Variants in FEZ1 observed in about 807,000 individuals in gnomAD.
The protein encoded by FEZ1 is fasciculation and elongation protein zeta-1.
A neutral mutation model predicts 49.3 loss-of-function variants in FEZ1; 20 were observed. The observed-to-expected ratio is 0.41, with a 90% CI of 0.29 to 0.59. FEZ1 has a LOEUF of 0.59. Ranked by LOEUF, FEZ1 falls within the 20% of genes least tolerant of loss-of-function variation. The pLI, the probability that FEZ1 is intolerant of heterozygous loss-of-function variation, is 0.36. For synonymous variants in FEZ1, 170 were observed against 180.9 expected (o/e 0.94, Z 0.48); for missense variants, 413 against 476.0 (o/e 0.87, Z 1.23).
intron 4 of FEZ1, among the ~76,000 whole-genome samples, chr11:125,461,132 C>T (rs1957070347): frequency 6.6e-6 from 1 of 152,136 alleles, no homozygotes; most frequent in Non-Finnish European, 1.5e-5. Context: ...CTCCAGAATT[C>T]ACCTAGACAG....
chr11:125,494,655 T>C (rs1167269699), intron 1 of FEZ1, among the ~76,000 whole-genome samples: 1 of 152,184 alleles, frequency 6.6e-6, no homozygotes, highest in Non-Finnish European at 1.5e-5. Context: ...TGTCCTACAA[T>C]CTATTCCATT....
intron 3 of FEZ1, among the ~76,000 whole-genome samples, chr11:125,472,973 T>A (rs1036314739): frequency 6.6e-6 from 1 of 152,164 alleles, no homozygotes; most frequent in South Asian, 2.1e-4. Context: ...AGCAAGATTT[T>A]TTGCAAAAAT....
intron 3 of FEZ1, among the ~76,000 whole-genome samples, chr11:125,473,593 T>A (rs1225562433): frequency 6.6e-6 from 1 of 151,744 alleles, no homozygotes; most frequent in Non-Finnish European, 1.5e-5. Context: ...CCAAGACGGG[T>A]GGATCACTTG....
At chr11:125,493,901 C>A (rs1957430792) in intron 1 of FEZ1, among the ~76,000 whole-genome samples, 1 of 152,132 alleles carries the variant, frequency 6.6e-6, no homozygotes, top group Admixed American at 6.5e-5. Context: ...GAGGCCAATC[C>A]AACCAGAATC....
In FEZ1 at chr11:125,481,549, G is replaced by T; in HGVS notation, c.396C>A (p.Asn132Lys). Reference protein sequence around the residue: ...RDPNIEALNGNCSDTEIHEKE... With the variant: ...RDPNIEALNGKCSDTEIHEKE... Reference sequence around the variant, plus strand: ...GGAGAGGTACCTCAGTGTCAGAGCAGTTGCCATTCAGAGCCTCGATGTTTG... The same window carrying T: ...GGAGAGGTACCTCAGTGTCAGAGCATTTGCCATTCAGAGCCTCGATGTTTG... Residue 132 changes from asparagine (N) to lysine (K), a missense_variant, in exon 3 of 10, where the codon AAC becomes AAA. Coordinates refer to ENST00000278919, the MANE Select transcript of FEZ1 (RefSeq NM_005103.5). 1 of 1,609,798 alleles carries T rather than the reference G, an allele frequency of 6.2e-7. No individual in the cohort carries two copies. The highest frequency in any genetic ancestry group is 1.1e-5 in the South Asian group (1 of 90,992).
At chr11:125,460,350 TA>T in intron 5 of FEZ1, 147 bp downstream of exon 5, 1 of 580,420 alleles carries the variant, frequency 1.7e-6, no homozygotes, top group Non-Finnish European at 2.9e-6. Context: ...TGATGCCGAG[TA>T]AGAAAGGTAT....
At chr11:125,460,687 AGT>A (rs752110127) in intron 4 of FEZ1, 21 bp from the exon 5 acceptor site, 1 of 1,610,028 alleles carries the variant, frequency 6.2e-7, no homozygotes, top group Non-Finnish European at 8.5e-7. Flanking sequence ...TACACGAGAG[AGT>A]GCTAACTCTG....
chr11:125,481,916 A>T (rs1957283169), intron 2 of FEZ1, among the ~76,000 whole-genome samples: 1 of 152,170 alleles, frequency 6.6e-6, no homozygotes, highest in South Asian at 2.1e-4. Flanking sequence ...CTATAATCAA[A>T]CTGCCTCTGG....
chr11:125,479,320 G>A (rs937180903), intron 3 of FEZ1, among the ~76,000 whole-genome samples: 1 of 152,198 alleles, frequency 6.6e-6, no homozygotes, highest in African/African-American at 2.4e-5. Context: ...AGGGGAATCT[G>A]TTTCTTGCTC....
At chr11:125,457,207 A>G (rs529424010) in intron 5 of FEZ1, among the ~76,000 whole-genome samples, 1 of 150,036 alleles carries the variant, frequency 6.7e-6, no homozygotes, top group African/African-American at 2.4e-5. Flanking sequence ...TAAATAAATA[A>G]ATAAATAAAT....
intron 3 of FEZ1, among the ~76,000 whole-genome samples, chr11:125,463,888 G>T (rs1020574843): frequency 5.9e-5 from 9 of 152,184 alleles, no homozygotes; most frequent in Non-Finnish European, 1.3e-4. Context: ...TCATCCTGGG[G>T]TGAACAAGGC....
chr11:125,460,926 G>T (rs1230912549), intron 4 of FEZ1, among the ~76,000 whole-genome samples: 1 of 152,168 alleles, frequency 6.6e-6, no homozygotes, highest in Non-Finnish European at 1.5e-5. Flanking sequence ...GAAATAAGCT[G>T]CTCTTTCAGG....
intron 3 of FEZ1, among the ~76,000 whole-genome samples, chr11:125,477,824 G>T (rs1346511006): frequency 1.3e-5 from 2 of 149,316 alleles, no homozygotes; most frequent in Non-Finnish European, 3.0e-5. Flanking sequence ...ATGTGGCCCC[G>T]CATGGCCCCA....
chr11:125,479,426 C>T (rs1044618443), intron 3 of FEZ1, among the ~76,000 whole-genome samples: 10 of 152,136 alleles, frequency 6.6e-5, no homozygotes, highest in South Asian at 2.1e-4. Flanking sequence ...CCCTTCCTGA[C>T]GATAAATTGT....
Position 125,445,857 on chromosome 11 carries a change from C to G in FEZ1, c.*238G>C. ...GAGCGGTGAAAGCGGCTGCCTTCCC[C>G]TCTCCTGACACCAGCAAGGGGGAGG... On this transcript the variant is annotated 3_prime_UTR_variant, in exon 10 of 10. Coordinates refer to ENST00000278919, the MANE Select transcript of FEZ1 (RefSeq NM_005103.5). The surrounding 1 kb of genome is among the most constrained non-coding windows in gnomAD (Gnocchi z 4.4). 1 of 568,014 alleles carries G rather than the reference C, an allele frequency of 1.8e-6. No individual in the cohort carries two copies. Among genetic ancestry groups the G allele is most frequent in the Non-Finnish European group, 3.3e-6 (1 of 305,026 alleles). The allele number at this position is 568,014 out of a possible 1,614,324, so 35.2% of individuals were successfully genotyped here. A position where few individuals can be genotyped will look rare whatever the true frequency, so the allele number is the denominator to read the frequency against.
At chr11:125,458,071 G>A (rs758080198) in intron 5 of FEZ1, among the ~76,000 whole-genome samples, 8 of 152,168 alleles carry the variant, frequency 5.3e-5, no homozygotes, top group Non-Finnish European at 8.8e-5. Context: ...GGAATGCAGC[G>A]AGGCAGCCAA....
Position 125,442,914 on chromosome 11 carries a change from T to G in FEZ1, c.*3181A>C, listed in dbSNP as rs149702699. ...CTACAGCTGGCTAATTTTTGTATTT[T>G]CAGTAGAGAGGGGGTTTCACCATGT... is the stretch of plus-strand genomic sequence containing the variant. On this transcript the variant is annotated 3_prime_UTR_variant, in exon 10 of 10. Coordinates refer to ENST00000278919, the MANE Select transcript of FEZ1 (RefSeq NM_005103.5). Among the ~76,000 whole-genome samples, 2,630 of 151,994 alleles carry G rather than the reference T, an allele frequency of 0.017. 59 individuals are homozygous for G. The highest frequency in any genetic ancestry group is 0.057 in the African/African-American group (2,380 of 41,424).
At chr11:125,462,522 T>G (rs777732244) in intron 4 of FEZ1, among the ~76,000 whole-genome samples, 1 of 152,226 alleles carries the variant, frequency 6.6e-6, no homozygotes, top group Non-Finnish European at 1.5e-5. Context: ...TTGAGTGTCT[T>G]GACTCCGAGT....
chr11:125,495,851 G>A lies in FEZ1; in HGVS notation c.-46+270C>T, dbSNP rs114989317. The A allele has an allele frequency of 8.0e-3, 2,559 of 318,620 alleles. 42 individuals carry two copies. Among genetic ancestry groups the A allele is most frequent in the African/African-American group, 0.032 (1,436 of 44,664 alleles). 19.7% of individuals were successfully genotyped at this position (318,620 alleles called of 1,614,324 possible). Reference sequence around the variant, plus strand: ...ACACACACACCAGGCCTGGCTGGAGGGCCGATGCTGAGATGATACTGGAAG... The same window carrying A: ...ACACACACACCAGGCCTGGCTGGAGAGCCGATGCTGAGATGATACTGGAAG... On this transcript the variant is annotated intron_variant, in intron 1 of 9. Transcript: ENST00000278919. This position sits in a 1 kb window ranked among gnomAD's most constrained non-coding sequence, Gnocchi z 4.2.
Sources: gnomAD v4.1 joint callset for allele counts (sites outside exome capture counted in the v4.1 genomes callset) on GRCh38, gnomAD v4.1.1 for gene constraint, Gnocchi (gnomAD v3.1) non-coding constraint, MANE v1.5 for transcripts, NCBI Gene and HGNC (gene_info 2026-07-23, HGNC 2026-07-21) for gene names.